CA12: variants seen among roughly 807,000 people sequenced by gnomAD.
CA12 encodes the protein carbonic anhydrase 12.
A neutral mutation model predicts 46.8 loss-of-function variants in CA12; 36 were observed. The observed-to-expected ratio is 0.77, with a 90% CI of 0.59 to 1.02. The LOEUF is 1.02. CA12 is among the 50% of genes least tolerant of loss of function. The probability of loss-of-function intolerance (pLI) is 0.00; values close to 1 mark genes in which losing one functional copy is unlikely to be tolerated. For synonymous variants in CA12, 202 were observed against 187.0 expected (o/e 1.08, Z -0.65); for missense variants, 436 against 451.4 (o/e 0.97, Z 0.31).
rs1470698534 is a variant in CA12, at chr15:63,364,340, A to AAAAAAAAAAAAC, written c.106+11317_106+11318insGTTTTTTTTTTT. Among the ~76,000 whole-genome samples the AAAAAAAAAAAAC allele has an allele frequency of 3.4e-5, 5 of 148,478 alleles. No homozygotes were observed. In the East Asian group the frequency reaches 5.9e-4, roughly 17 times the overall value. ...GTGAAACCCCGTCACTAGAAAAAAA[A>AAAAAAAAAAAAC]AAAAAAAAAAAAAAACAGTGGGACT... On this transcript the variant is annotated intron_variant, in intron 2 of 10. Coordinates refer to ENST00000178638, the MANE Select transcript of CA12 (RefSeq NM_001218.5).
At chr15:63,379,815 C>A (rs889157714) in intron 1 of CA12, among the ~76,000 whole-genome samples, 2 of 152,214 alleles carry the variant, frequency 1.3e-5, no homozygotes, top group Non-Finnish European at 2.9e-5. Context: ...CAGGTTTGGG[C>A]AGGGCAAGCT....
intron 4 of CA12, 52 bp from the exon 5 acceptor site, chr15:63,342,149 T>G: frequency 8.4e-7 from 1 of 1,195,616 alleles, no homozygotes; most frequent in Non-Finnish European, 1.2e-6. Flanking sequence ...CATGGGAGCC[T>G]GTCGCTTCTG....
At chr15:63,326,402 G>T in intron 10 of CA12, 45 bp from the exon 11 acceptor site, 1 of 1,513,340 alleles carries the variant, frequency 6.6e-7, no homozygotes, top group Non-Finnish European at 9.2e-7. Flanking sequence ...AGGAGAGCGA[G>T]CGAGCCAGAG....
Position 63,345,333 on chromosome 15 carries a change from C to T in CA12, c.429+144G>A. 1.0e-6 allele frequency: 1 copy of T among 999,122 alleles called. No individual in the cohort carries two copies. The highest frequency in any genetic ancestry group is 1.5e-5 in the South Asian group (1 of 68,684). 61.9% of individuals were successfully genotyped at this position (999,122 alleles called of 1,614,324 possible). On this transcript the variant is annotated intron_variant, in intron 4 of 10. Coordinates refer to ENST00000178638, the MANE Select transcript of CA12 (RefSeq NM_001218.5). The surrounding 1 kb of genome is among the most constrained non-coding windows in gnomAD (Gnocchi z 4.3). ...TACAGGCTAGTGGAGTGGCTGCGCCCCTTGTGCCAGGGCCAGAGGTGGGGC... is the reference window on the plus strand; with the variant it reads ...TACAGGCTAGTGGAGTGGCTGCGCCTCTTGTGCCAGGGCCAGAGGTGGGGC...
chr15:63,375,198 G>A (rs1046515425), intron 2 of CA12, among the ~76,000 whole-genome samples: 1 of 152,172 alleles, frequency 6.6e-6, no homozygotes, highest in Non-Finnish European at 1.5e-5. Context: ...TTACAATCAC[G>A]GCAACAAGAA....
At chr15:63,335,849 C>G (rs12904952) in intron 8 of CA12, among the ~76,000 whole-genome samples, 6,769 of 152,240 alleles carry the variant, frequency 0.044, 194 homozygotes, top group Middle Eastern at 0.065. Flanking sequence ...AGGCCTGCTC[C>G]GAGCTGGGTA....
At chr15:63,333,341 C>G (rs1421668242) in intron 8 of CA12, among the ~76,000 whole-genome samples, 1 of 152,242 alleles carries the variant, frequency 6.6e-6, no homozygotes, top group South Asian at 2.1e-4. Context: ...CCCTGTGCCA[C>G]GGGCTGTGTT....
At chr15:63,358,892 G>A (rs1017378790) in intron 2 of CA12, among the ~76,000 whole-genome samples, 1 of 152,050 alleles carries the variant, frequency 6.6e-6, no homozygotes, top group South Asian at 2.1e-4. Context: ...TTCGGCCCTC[G>A]CACTTCATGC....
intron 8 of CA12, among the ~76,000 whole-genome samples, chr15:63,338,052 C>T (rs2039025320): frequency 6.6e-6 from 1 of 152,168 alleles, no homozygotes; most frequent in Admixed American, 6.5e-5. Context: ...AGTGCTCCCT[C>T]ACCCCTTTCC....
chr15:63,368,924 C>T (rs2039468220), intron 2 of CA12, among the ~76,000 whole-genome samples: 1 of 150,624 alleles, frequency 6.6e-6, no homozygotes, highest in African/African-American at 2.4e-5. Context: ...TAGGCTCAGC[C>T]CCCATGGGCT....
At chr15:63,360,777 C>A (rs71394515) in intron 2 of CA12, among the ~76,000 whole-genome samples, 1 of 152,266 alleles carries the variant, frequency 6.6e-6, no homozygotes, top group Non-Finnish European at 1.5e-5. Context: ...GTTATTTGTC[C>A]CCTCTGTGTT....
chr15:63,379,847 C>T (rs901948226), intron 1 of CA12, among the ~76,000 whole-genome samples: 3 of 152,166 alleles, frequency 2.0e-5, no homozygotes, highest in Non-Finnish European at 4.4e-5. Context: ...ACTGAAATGC[C>T]CCCCAAAGCC....
Position 63,345,455 on chromosome 15 carries a change from C to T in CA12, c.429+22G>A. 1 of 1,603,146 alleles carries T rather than the reference C, an allele frequency of 6.2e-7. No homozygotes were observed. On this transcript the variant is annotated intron_variant, in intron 4 of 10. Transcript: ENST00000178638. The surrounding 1 kb of genome is among the most constrained non-coding windows in gnomAD (Gnocchi z 4.3). ...ACCACCCACTGCAGAGCAGCCTCTG[C>T]CAGACTGGCAGCCCTACTTACCTCG...
At chr15:63,343,849 C>T (rs879366565) in intron 4 of CA12, among the ~76,000 whole-genome samples, 2 of 152,096 alleles carry the variant, frequency 1.3e-5, no homozygotes, top group Non-Finnish European at 2.9e-5. Context: ...ATCACTAAGC[C>T]AAAGAGAAAA....
intron 2 of CA12, among the ~76,000 whole-genome samples, chr15:63,363,062 A>G (rs1306857685): frequency 6.6e-6 from 1 of 152,212 alleles, no homozygotes; most frequent in East Asian, 1.9e-4. Flanking sequence ...ATCACTGCGT[A>G]AGAGCCATGT....
chr15:63,359,007 T>A (rs2039327418), intron 2 of CA12, among the ~76,000 whole-genome samples: 1 of 152,002 alleles, frequency 6.6e-6, no homozygotes, highest in South Asian at 2.1e-4. Context: ...CTGCCCTTTC[T>A]CAGATCTCTG....
chr15:63,330,260 G>A lies in CA12; in HGVS notation c.875-2130C>T, dbSNP rs1006173544. 6.6e-6 allele frequency among the ~76,000 whole-genome samples: 1 copy of A among 152,212 alleles called. No homozygotes were observed. Among genetic ancestry groups the A allele is most frequent in the Non-Finnish European group, 1.5e-5 (1 of 68,038 alleles). The stretch of plus-strand genomic sequence containing the variant: ...TTGTACAGCACAAGCTCTGTTTCCT[G>A]CAGGGCCTGTGGCCTCTGCACAGTG... On this transcript the variant is annotated intron_variant, in intron 8 of 10. Coordinates refer to ENST00000178638, the MANE Select transcript of CA12 (RefSeq NM_001218.5). The surrounding 1 kb of genome is among the most constrained non-coding windows in gnomAD (Gnocchi z 4.0).
At chr15:63,354,912 C>G (rs915327123) in intron 2 of CA12, among the ~76,000 whole-genome samples, 1 of 152,152 alleles carries the variant, frequency 6.6e-6, no homozygotes, top group Non-Finnish European at 1.5e-5. Context: ...GGGGATGAGG[C>G]GGGGACAAAA....
intron 10 of CA12, among the ~76,000 whole-genome samples, chr15:63,326,889 G>A (rs1043289057): frequency 7.9e-5 from 12 of 152,194 alleles, no homozygotes; most frequent in Admixed American, 5.9e-4. Context: ...ACTCGTCCAA[G>A]GCCATGCAAT....
Sources: gnomAD v4.1 joint callset for allele counts (sites outside exome capture counted in the v4.1 genomes callset) on GRCh38, gnomAD v4.1.1 for gene constraint, Gnocchi (gnomAD v3.1) non-coding constraint, MANE v1.5 for transcripts, NCBI Gene and HGNC (gene_info 2026-07-23, HGNC 2026-07-21) for gene names.